The following LAMA4 variants were observed in gnomAD, a reference collection of about 807,000 sequenced individuals.
LAMA4 encodes the protein laminin subunit alpha-4.
LAMA4 carries 127 observed loss-of-function variants against 207.1 expected under a neutral mutation model. That is an observed-to-expected ratio of 0.61 (90% CI 0.53 to 0.71). The LOEUF is 0.71. Among genes scored for constraint, LAMA4 ranks in the 30% least tolerant of loss-of-function variants. The pLI is 0.00. For synonymous variants in LAMA4, 761 were observed against 816.0 expected (o/e 0.93, Z 1.15); for missense variants, 2,093 against 2,246.5 (o/e 0.93, Z 1.38).
intron 2 of LAMA4, among the ~76,000 whole-genome samples, chr6:112,237,750 C>T (rs1583979983): frequency 6.6e-6 from 1 of 152,202 alleles, no homozygotes; most frequent in East Asian, 1.9e-4. Flanking sequence ...ACCATCTTGA[C>T]AGAACCTTGG....
intron 7 of LAMA4, 194 bp downstream of exon 7, chr6:112,188,916 C>A: frequency 1.7e-6 from 1 of 586,932 alleles, no homozygotes; most frequent in Non-Finnish European, 3.1e-6. Context: ...TGTAAACCAC[C>A]CATTTGCCCT....
intron 26 of LAMA4, 88 bp downstream of exon 26, chr6:112,134,379 G>T (rs1779211154): frequency 2.3e-6 from 3 of 1,301,688 alleles, no homozygotes; most frequent in Non-Finnish European, 2.2e-6. Context: ...AGCAAGTAAG[G>T]GTGCGTACAC....
rs5879140 is a variant in LAMA4 at position 112,163,167 on chromosome 6, A to AGG, written c.1668+1991_1668+1992dup. Reference sequence around the variant, plus strand: ...AAAAAAAATTTTCTTTTTTGTAGAGAGGGGGTCTCACTATGTTTCCCAGGC... The same window carrying AGG: ...AAAAAAAATTTTCTTTTTTGTAGAGAGGGGGGGTCTCACTATGTTTCCCAGGC... On this transcript the variant is annotated intron_variant, in intron 13 of 38. Coordinates refer to ENST00000230538, the MANE Select transcript of LAMA4 (RefSeq NM_001105206.3). Among the ~76,000 whole-genome samples, 32 of 151,094 alleles carry AGG rather than the reference A, an allele frequency of 2.1e-4. 1 individual carries two copies. The highest frequency in any genetic ancestry group is 3.6e-4 in the African/African-American group (15 of 41,196).
In LAMA4 at chr6:112,158,856, T is replaced by C; in HGVS notation, c.1693A>G (p.Ile565Val). 6.2e-7 allele frequency: 1 copy of C among 1,611,956 alleles called. No individual in the cohort carries two copies. The highest frequency in any genetic ancestry group is 8.5e-7 in the Non-Finnish European group (1 of 1,178,088). Residue 565 changes from isoleucine to valine, a missense_variant, in exon 14 of 39, where the codon ATA (isoleucine) becomes GTA (valine). Physicochemically the swap from Ile to Val is conservative, Grantham distance 29. Transcript: ENST00000230538. ...TGTAGTTCACTTTTGGCTCCATCTATTTCTGCATAAATCCCTGACGCATTC... is the reference window on the plus strand; with the variant it reads ...TGTAGTTCACTTTTGGCTCCATCTACTTCTGCATAAATCCCTGACGCATTC... ...IKNASGIYAE[I>V]DGAKSELQVK...
chr6:112,243,107 C>T (rs1327599675), intron 2 of LAMA4, among the ~76,000 whole-genome samples: 8 of 152,082 alleles, frequency 5.3e-5, no homozygotes, highest in African/African-American at 1.9e-4. Context: ...ACCCTTGGAC[C>T]CTGGCATGGG....
At chr6:112,166,727 AT>A (rs1310595304) in intron 12 of LAMA4, among the ~76,000 whole-genome samples, 2 of 152,264 alleles carry the variant, frequency 1.3e-5, no homozygotes, top group Non-Finnish European at 2.9e-5. Context: ...AATGAATAAA[AT>A]TAGCTTTGAA....
At chr6:112,196,297 C>A (rs1189163078) in intron 5 of LAMA4, 1 of 151,598 alleles carries the variant, frequency 6.6e-6, no homozygotes, top group Non-Finnish European at 1.5e-5. Flanking sequence ...AAGTTTGTGT[C>A]CGTTAACCAG....
rs527274624 is a variant in LAMA4, at chr6:112,229,598, T to C, written c.196-13129A>G. ...TGGGGGCCATAGGTAGGAAACGGCA[T>C]GGACATAAGTGCTTCTTACAAGGCA... On this transcript the variant is annotated intron_variant, in intron 2 of 38. Transcript: ENST00000230538. Among the ~76,000 whole-genome samples the C allele has an allele frequency of 2.0e-5, 3 of 152,328 alleles. No homozygotes were observed. The South Asian group carries it at 6.2e-4, about 32-fold the overall frequency.
chr6:112,133,298 GAGTGATA>G, intron 27 of LAMA4, 44 bp downstream of exon 27: 1 of 1,595,156 alleles, frequency 6.3e-7, no homozygotes, highest in Non-Finnish European at 8.6e-7. Context: ...CAGCTTTTGA[GAGTGATA>G]AGTATTGTGT....
In LAMA4 at chr6:112,119,178, C is replaced by T. The variant is rs1554325184; in HGVS notation, c.4799G>A (p.Gly1600Glu). ...TACCTGAACATTTTTCACAGCCTTT[C>T]CAGGAGCCACACCTCCCAAATAAAT... is the stretch of plus-strand genomic sequence containing the variant. ...GPIYLGGVAP[G>E]KAVKNVQINS... is the part of the protein sequence containing the mutation. Residue 1600 changes from glycine (G) to glutamate (E), a missense_variant, in exon 34 of 39, where the codon GGA (glycine) becomes GAA (glutamate). Gly to Glu is a moderately conservative substitution (Grantham distance 98). Coordinates refer to ENST00000230538, the MANE Select transcript of LAMA4 (RefSeq NM_001105206.3). 6.2e-7 allele frequency: 1 copy of T among 1,613,974 alleles called. No homozygotes were observed. The highest frequency in any genetic ancestry group is 2.2e-5 in the East Asian group (1 of 44,874).
chr6:112,189,001 G>A, intron 7 of LAMA4, 109 bp downstream of exon 7: 1 of 793,704 alleles, frequency 1.3e-6, no homozygotes, highest in Non-Finnish European at 2.2e-6. Flanking sequence ...AAGTCCAGGG[G>A]TGGGACTCAG....
chr6:112,131,220 G>A, intron 28 of LAMA4, 119 bp from the exon 29 acceptor site: 2 of 904,060 alleles, frequency 2.2e-6, no homozygotes, highest in Non-Finnish European at 1.8e-6. Flanking sequence ...AAATTTGCTT[G>A]TAAAATAATT....
chr6:112,158,024 G>T (rs1780823223), intron 14 of LAMA4: 1 of 152,118 alleles, frequency 6.6e-6, no homozygotes, highest in African/African-American at 2.4e-5. Context: ...GACCTTTACT[G>T]GTCCTTTTTT....
intron 38 of LAMA4, among the ~76,000 whole-genome samples, chr6:112,113,621 C>T (rs2114550234): frequency 6.6e-6 from 1 of 152,328 alleles, no homozygotes; most frequent in South Asian, 2.1e-4. Flanking sequence ...CAATGGACAA[C>T]AACTTATGGT....
In LAMA4 at chr6:112,186,716, T is replaced by A. The variant is rs564217286; in HGVS notation, c.966+734A>T. The A allele has an allele frequency of 9.9e-4, 441 of 446,108 alleles. 7 individuals carry two copies. The highest frequency in any genetic ancestry group is 6.9e-3 in the South Asian group (424 of 61,850). The allele number at this position is 446,108 out of a possible 1,614,324, so 27.6% of individuals were successfully genotyped here. ...ACAATGTCAATGCTGTGTAAATAGTTGTTACACTGTATTTTTCTTTTTTAA... is the reference window on the plus strand; with the variant it reads ...ACAATGTCAATGCTGTGTAAATAGTAGTTACACTGTATTTTTCTTTTTTAA... On this transcript the variant is annotated intron_variant, in intron 8 of 38. Coordinates refer to ENST00000230538, the MANE Select transcript of LAMA4 (RefSeq NM_001105206.3).
chr6:112,235,310 C>T (rs760868438), intron 2 of LAMA4, among the ~76,000 whole-genome samples: 1 of 152,152 alleles, frequency 6.6e-6, no homozygotes, highest in African/African-American at 2.4e-5. Context: ...TCTCGAGAAA[C>T]AGGTATTATA....
At position 112,139,214 on chromosome 6, in the gene LAMA4, A is replaced by T; in HGVS notation, c.3188T>A (p.Ile1063Asn). 6.2e-7 allele frequency: 1 copy of T among 1,614,178 alleles called. No individual in the cohort carries two copies. The highest frequency in any genetic ancestry group is 8.5e-7 in the Non-Finnish European group (1 of 1,180,010). Residue 1063 changes from isoleucine to asparagine, a missense_variant, in exon 24 of 39, where the codon ATC (isoleucine) becomes AAC (asparagine). By Grantham distance (149) the Ile-to-Asn change is moderately radical. Around this residue, in one of 3 missense-constraint regions of LAMA4, gnomAD observed 1,704 missense variants for 1,788.4 expected, o/e 0.95. Coordinates refer to ENST00000230538, the MANE Select transcript of LAMA4 (RefSeq NM_001105206.3). Reference sequence around the variant, plus strand: ...CTGACCAAATTTCCCTCTCCTTGTGATGTCTCTCACCACGGCATAACCGGA... The same window carrying T: ...CTGACCAAATTTCCCTCTCCTTGTGTTGTCTCTCACCACGGCATAACCGGA... ...DGSGYAVVRD[I>N]TRRGKFGQVT...
In LAMA4 at chr6:112,141,338, G is replaced by C; in HGVS notation, c.2813+20C>G. On this transcript the variant is annotated intron_variant, in intron 21 of 38. Coordinates refer to ENST00000230538, the MANE Select transcript of LAMA4 (RefSeq NM_001105206.3). Reference sequence around the variant, plus strand: ...CTTGTGATATGTGCATATATGCCCTGTGTCATGGATTCACTGTACCTTTCA... The same window carrying C: ...CTTGTGATATGTGCATATATGCCCTCTGTCATGGATTCACTGTACCTTTCA... The C allele has an allele frequency of 6.2e-7, 1 of 1,612,690 alleles. No homozygotes were observed. Among genetic ancestry groups the C allele is most frequent in the Non-Finnish European group, 8.5e-7 (1 of 1,178,692 alleles).
chr6:112,158,723 G>A lies in LAMA4; in HGVS notation c.1817+9C>T, dbSNP rs1780874154. ...GTAGATATTTGCATTTCTAAAACCAGGATATTACCTGCTCAATTCATTAGC... is the reference window on the plus strand; with the variant it reads ...GTAGATATTTGCATTTCTAAAACCAAGATATTACCTGCTCAATTCATTAGC... On this transcript the variant is annotated intron_variant, in intron 14 of 38. Transcript: ENST00000230538. 6.2e-7 allele frequency: 1 copy of A among 1,611,816 alleles called. No individual in the cohort carries two copies. The highest frequency in any genetic ancestry group is 1.3e-5 in the African/African-American group (1 of 74,968).
Sources: gnomAD v4.1 joint callset for allele counts (sites outside exome capture counted in the v4.1 genomes callset) on GRCh38, gnomAD v4.1.1 for gene constraint, gnomAD v4.1.1 regional missense constraint, MANE v1.5 for transcripts, NCBI Gene and HGNC (gene_info 2026-07-23, HGNC 2026-07-21) for gene names.